The following DMXL1 variants were observed in gnomAD, a reference collection of about 807,000 sequenced individuals.
DMXL1 encodes the protein dmX-like protein 1.
In DMXL1, 99 loss-of-function variants were observed where a neutral mutation model predicts 319.2. That is an observed-to-expected ratio of 0.31 (90% CI 0.26 to 0.37). DMXL1 has a LOEUF of 0.37. Ranked by LOEUF, DMXL1 falls within the 10% of genes least tolerant of loss-of-function variation. DMXL1 has a pLI of 1.00. For synonymous variants in DMXL1, 1,385 were observed against 1,235.2 expected, an observed-to-expected ratio of 1.12 and a Z score of -2.54; for missense variants, 3,745 against 3,595.6, an observed-to-expected ratio of 1.04 and a Z score of -1.06.
At chr5:119,119,534 AT>A (rs1421977217) in intron 8 of DMXL1, among the ~76,000 whole-genome samples, 6,065 of 142,474 alleles carry the variant, frequency 0.043, 300 homozygotes, top group African/African-American at 0.13. Flanking sequence ...GATTCTTCCA[AT>A]TTTTTTTTTT....
intron 1 of DMXL1, among the ~76,000 whole-genome samples, chr5:119,086,491 T>C (rs1207023971): frequency 6.6e-6 from 1 of 152,352 alleles, no homozygotes; most frequent in Middle Eastern, 3.4e-3. Flanking sequence ...ATGTGTGATA[T>C]GGGCTTGTAG....
rs1244328150 is a variant in DMXL1 at position 119,247,986 on chromosome 5, C to G, written c.*767C>G. 6.6e-6 allele frequency: 1 copy of G among 151,952 alleles called. No individual in the cohort carries two copies. Among genetic ancestry groups the G allele is most frequent in the South Asian group, 2.1e-4 (1 of 4,830 alleles). The allele number at this position is 151,952 out of a possible 1,614,324, so 9.4% of individuals were successfully genotyped here. ...ATTTTTGAATTCCCATCCTAATTTT[C>G]AAATAAGTTTCAAGGAGACTATCAG... On this transcript the variant is annotated 3_prime_UTR_variant, in exon 44 of 44. Coordinates refer to ENST00000539542, the MANE Select transcript of DMXL1 (RefSeq NM_001290321.3).
At chr5:119,193,734 C>A in intron 29 of DMXL1, 94 bp from the exon 30 acceptor site, 1 of 1,232,496 alleles carries the variant, frequency 8.1e-7, no homozygotes, top group Non-Finnish European at 1.2e-6. Context: ...AATGAAGTAT[C>A]TGCAAATGAG....
chr5:119,224,147 A>C (rs1785126664), intron 37 of DMXL1, among the ~76,000 whole-genome samples: 1 of 152,096 alleles, frequency 6.6e-6, no homozygotes, highest in Non-Finnish European at 1.5e-5. Flanking sequence ...AATAACAATA[A>C]CAAAACCTAC....
chr5:119,146,729 A>G (rs933242570), intron 15 of DMXL1, 108 bp from the exon 16 acceptor site: 9 of 1,112,476 alleles, frequency 8.1e-6, no homozygotes, highest in Non-Finnish European at 3.7e-6. Context: ...CCTTAGGTAA[A>G]AGTTTTTAAT....
chr5:119,196,509 TC>T, intron 31 of DMXL1, 53 bp downstream of exon 31: 1 of 965,472 alleles, frequency 1.0e-6, no homozygotes, highest in Non-Finnish European at 1.6e-6. Context: ...GACTTACTAC[TC>T]TGTTGTTTTT....
At chr5:119,215,575 A>G (rs919743813) in intron 34 of DMXL1, among the ~76,000 whole-genome samples, 13 of 151,790 alleles carry the variant, frequency 8.6e-5, no homozygotes, top group African/African-American at 3.1e-4. Context: ...CAAGTGATCC[A>G]CTCACCTCAG....
intron 26 of DMXL1, among the ~76,000 whole-genome samples, chr5:119,176,900 G>GAGTA (rs1775906414): frequency 1.3e-5 from 2 of 152,026 alleles, no homozygotes; most frequent in Non-Finnish European, 1.5e-5. Flanking sequence ...CATCTTTTAA[G>GAGTA]AGTAGTATGA....
intron 19 of DMXL1, among the ~76,000 whole-genome samples, chr5:119,161,918 C>A (rs149867052): frequency 6.6e-6 from 1 of 152,186 alleles, no homozygotes; most frequent in Non-Finnish European, 1.5e-5. Flanking sequence ...CTACCACCAA[C>A]GTCTGCAGGC....
Position 119,170,482 on chromosome 5 carries a change from T to G in DMXL1, c.5691T>G (p.Phe1897Leu), listed in dbSNP as rs1386217504. The change falls in exon 24 of 44, where the codon TTT becomes TTG. Residue 1897 changes from phenylalanine (F) to leucine (L), a missense_variant. Transcript: ENST00000539542. ...KTRPFYRASS[F>L]LDTSKDCSPS... The stretch of plus-strand genomic sequence containing the variant: ...GACCTTTTTATAGGGCTTCTAGTTT[T>G]CTGGATACTAGTAAAGACTGTTCTC... 6.2e-7 allele frequency: 1 copy of G among 1,613,762 alleles called. No individual in the cohort carries two copies. Among genetic ancestry groups the G allele is most frequent in the Admixed American group, 1.7e-5 (1 of 59,938 alleles).
intron 38 of DMXL1, among the ~76,000 whole-genome samples, chr5:119,230,257 A>C (rs1786427980): frequency 6.6e-6 from 1 of 152,208 alleles, no homozygotes; most frequent in Admixed American, 6.5e-5. Flanking sequence ...TCTTAAGGAT[A>C]TGCCTGCTTT....
intron 34 of DMXL1, among the ~76,000 whole-genome samples, chr5:119,210,070 G>A (rs1013783688): frequency 3.9e-5 from 6 of 152,072 alleles, no homozygotes; most frequent in African/African-American, 7.2e-5. Flanking sequence ...CTGGGTACAA[G>A]CGATTCTCAT....
At chr5:119,163,448 A>T (rs2150217618) in intron 19 of DMXL1, among the ~76,000 whole-genome samples, 1 of 152,232 alleles carries the variant, frequency 6.6e-6, no homozygotes. Flanking sequence ...ACAGAGCCTT[A>T]CTCTGTTGCC....
chr5:119,150,193 A>G lies in DMXL1; in HGVS notation c.4366A>G (p.Thr1456Ala), dbSNP rs757791670. The G allele has an allele frequency of 8.7e-6, 14 of 1,613,746 alleles. No individual in the cohort carries two copies. Among genetic ancestry groups the G allele is most frequent in the Non-Finnish European group, 1.2e-5 (14 of 1,179,808 alleles). Residue 1456 changes from threonine (T) to alanine (A), a missense_variant, in exon 18 of 44, where the codon ACT becomes GCT. Thr to Ala is a moderately conservative substitution (Grantham distance 58). Coordinates refer to ENST00000539542, the MANE Select transcript of DMXL1 (RefSeq NM_001290321.3). ...TCAGACTCAACTTCTAATGACTGAT[A>G]CTCATATGTTAGAGACAGATGAAGA... ...LFQTQLLMTD[T>A]HMLETDEENT...
At chr5:119,122,097 C>A (rs1268879585) in intron 9 of DMXL1, among the ~76,000 whole-genome samples, 1 of 143,876 alleles carries the variant, frequency 7.0e-6, no homozygotes, top group Non-Finnish European at 1.5e-5. Flanking sequence ...GCTGACCCCC[C>A]CACCTCCCTC....
intron 13 of DMXL1, among the ~76,000 whole-genome samples, chr5:119,136,029 G>A (rs1487967253): frequency 6.6e-6 from 1 of 152,220 alleles, no homozygotes; most frequent in Non-Finnish European, 1.5e-5. Context: ...ACTTCCTAGA[G>A]ACTTGTTGAA....
In DMXL1 at chr5:119,237,380, G is replaced by C. The variant is rs965876862; in HGVS notation, c.8525G>C (p.Cys2842Ser). 1.9e-6 allele frequency: 3 copies of C among 1,605,076 alleles called. No homozygotes were observed. The African/African-American group carries it at 4.0e-5, about 21-fold the overall frequency. The change falls in exon 40 of 44, where the codon TGT becomes TCT. Residue 2842 changes from cysteine to serine, a missense_variant. Around this residue, in one of 4 missense-constraint regions of DMXL1, gnomAD observed 262 missense variants for 320.5 expected, o/e 0.82. Transcript: ENST00000539542. The stretch of plus-strand genomic sequence containing the variant: ...TTGTATCAAACAAACTGGAAATGTT[G>C]TCCAGTTACTGGAAGCATGCCTAAG... The part of the protein sequence containing the change: ...LSLYQTNWKC[C>S]PVTGSMPKPY...
rs1473190336 is a variant in DMXL1 at position 119,164,643 on chromosome 5, G to C, written c.4839G>C (p.Arg1613=). ...LRAMGVGWWV[R]NTRILRKCIE... is the part of the protein sequence containing the mutation. The stretch of plus-strand genomic sequence containing the variant: ...CTATGGGTGTGGGGTGGTGGGTCCG[G>C]AATACCCGCATCTTACGCAAATGCA... The change falls in exon 20 of 44, where the codon CGG becomes CGC. Residue 1613 remains arginine, a synonymous_variant. Coordinates refer to ENST00000539542, the MANE Select transcript of DMXL1 (RefSeq NM_001290321.3). 1 of 1,609,782 alleles carries C rather than the reference G, an allele frequency of 6.2e-7. No individual in the cohort carries two copies. The highest frequency in any genetic ancestry group is 1.1e-5 in the South Asian group (1 of 90,316).
Position 119,246,986 on chromosome 5 carries a change from A to G in DMXL1, c.8923-9A>G, listed in dbSNP as rs772277718. On this transcript the variant is annotated splice_polypyrimidine_tract_variant and intron_variant, in intron 43 of 43. Transcript: ENST00000539542. ...CCCTAATTTTCCGTTTGTTCTTAAT[A>G]TCTTTCAGATTTGGAGTCTCTCTAC... is the stretch of plus-strand genomic sequence containing the variant. 11 of 1,585,502 alleles carry G rather than the reference A, an allele frequency of 6.9e-6. No individual in the cohort carries two copies. Among genetic ancestry groups the G allele is most frequent in the Middle Eastern group, 3.4e-4 (2 of 5,946 alleles).
Sources: allele counts gnomAD v4.1 joint callset (sites outside exome capture counted in the v4.1 genomes callset), GRCh38; gene constraint gnomAD v4.1.1; regional missense constraint gnomAD v4.1.1; transcripts MANE v1.5; gene names NCBI Gene and HGNC (gene_info 2026-07-23, HGNC 2026-07-21).